The following TACR3 variants were observed in gnomAD, a reference collection of about 807,000 sequenced individuals.
TACR3 encodes the protein tachykinin receptor 3.
Under a neutral mutation model 35.0 loss-of-function variants are expected in TACR3, and 34 were observed. That is an observed-to-expected ratio of 0.97 (90% CI 0.74 to 1.30). The LOEUF is 1.30. Ranked by LOEUF, TACR3 falls within the 50% of genes most tolerant of loss-of-function variation. The pLI is 0.00. For synonymous variants in TACR3, 233 were observed against 221.1 expected, an observed-to-expected ratio of 1.05 and a Z score of -0.48; for missense variants, 558 against 591.7, an observed-to-expected ratio of 0.94 and a Z score of 0.59.
intron 1 of TACR3, among the ~76,000 whole-genome samples, chr4:103,669,904 C>T (rs559562645): frequency 1.5e-4 from 23 of 151,832 alleles, no homozygotes; most frequent in Non-Finnish European, 2.9e-4. Flanking sequence ...GACAAAAGTC[C>T]TTAAGTTTTT....
chr4:103,627,897 A>AT (rs1724943641), intron 3 of TACR3, among the ~76,000 whole-genome samples: 2 of 152,206 alleles, frequency 1.3e-5, no homozygotes, highest in Admixed American at 1.3e-4. Flanking sequence ...GATTGGAAGT[A>AT]AAGCACTCCT....
At chr4:103,606,649 T>A (rs924210772) in intron 3 of TACR3, among the ~76,000 whole-genome samples, 2 of 152,106 alleles carry the variant, frequency 1.3e-5, no homozygotes, top group African/African-American at 2.4e-5. Flanking sequence ...TAAGAATGCT[T>A]GTGATTTTTG....
At chr4:103,700,642 C>G (rs921098956) in intron 1 of TACR3, among the ~76,000 whole-genome samples, 2 of 152,090 alleles carry the variant, frequency 1.3e-5, no homozygotes, top group East Asian at 3.9e-4. Context: ...ACTCTCTTGC[C>G]AGAACTGTCT....
intron 1 of TACR3, among the ~76,000 whole-genome samples, chr4:103,676,837 G>T (rs1384225578): frequency 6.6e-6 from 1 of 152,120 alleles, no homozygotes; most frequent in East Asian, 1.9e-4. Flanking sequence ...AAAAGCAATT[G>T]CAGCGAAAGC....
chr4:103,649,009 G>T (rs1236009881), intron 3 of TACR3, among the ~76,000 whole-genome samples: 1 of 152,062 alleles, frequency 6.6e-6, no homozygotes, highest in Non-Finnish European at 1.5e-5. Context: ...ACTCATTGTA[G>T]TTTGGAATTG....
Position 103,589,702 on chromosome 4 carries a change from A to T in TACR3, c.1378T>A (p.Ser460Thr). Reference sequence around the variant, plus strand: ...TGGAATTAAGAATATTCATCCACAGAGGTATAGGGTGAGCTTATGAAACTT... The same window carrying T: ...TGGAATTAAGAATATTCATCCACAGTGGTATAGGGTGAGCTTATGAAACTT... The part of the protein sequence containing the change: ...TSSFISSPYT[S>T]VDEYS The change falls in exon 5 of 5, where the codon TCT becomes ACT. Residue 460 changes from serine to threonine, a missense_variant. Ser to Thr is a moderately conservative substitution (Grantham distance 58, BLOSUM62 1). Coordinates refer to ENST00000304883, the MANE Select transcript of TACR3 (RefSeq NM_001059.3). 1 of 1,613,900 alleles carries T rather than the reference A, an allele frequency of 6.2e-7. No homozygotes were observed. Among genetic ancestry groups the T allele is most frequent in the Non-Finnish European group, 8.5e-7 (1 of 1,179,848 alleles).
chr4:103,633,178 T>G (rs1303376343), intron 3 of TACR3, among the ~76,000 whole-genome samples: 1 of 152,092 alleles, frequency 6.6e-6, no homozygotes, highest in Non-Finnish European at 1.5e-5. Context: ...ATCAGATAGC[T>G]AACTATAATA....
chr4:103,667,179 A>T (rs1011803105), intron 1 of TACR3, among the ~76,000 whole-genome samples: 2 of 152,030 alleles, frequency 1.3e-5, no homozygotes, highest in Non-Finnish European at 2.9e-5. Context: ...AATCACTTGA[A>T]CCCAGGAGGC....
chr4:103,644,666 CCTGA>C (rs748131281), intron 3 of TACR3, among the ~76,000 whole-genome samples: 8 of 151,130 alleles, frequency 5.3e-5, no homozygotes, highest in Non-Finnish European at 1.2e-4. Context: ...TTTTCTAGTT[CCTGA>C]CTTTCATTTC....
chr4:103,671,604 C>A (rs550509521), intron 1 of TACR3, among the ~76,000 whole-genome samples: 1 of 151,818 alleles, frequency 6.6e-6, no homozygotes, highest in Non-Finnish European at 1.5e-5. Context: ...CTCTAATGAT[C>A]CTTTAAATTT....
chr4:103,601,811 G>T (rs11097819), intron 3 of TACR3, among the ~76,000 whole-genome samples: 1 of 152,002 alleles, frequency 6.6e-6, no homozygotes, highest in African/African-American at 2.4e-5. Context: ...CTCTGGCTGC[G>T]CTTAACATTT....
At chr4:103,673,301 C>T (rs1035532441) in intron 1 of TACR3, among the ~76,000 whole-genome samples, 3 of 152,166 alleles carry the variant, frequency 2.0e-5, no homozygotes, top group African/African-American at 4.8e-5. Flanking sequence ...ATGTCTTCCT[C>T]ACTAAGCTTA....
chr4:103,593,267 C>CT (rs1723932452), intron 3 of TACR3: 1 of 152,078 alleles, frequency 6.6e-6, no homozygotes, highest in South Asian at 2.1e-4. Flanking sequence ...TCTTTCTTGT[C>CT]TTTTTACCCT....
At chr4:103,626,429 T>C (rs142079173) in intron 3 of TACR3, among the ~76,000 whole-genome samples, 275 of 152,196 alleles carry the variant, frequency 1.8e-3, no homozygotes, top group African/African-American at 6.3e-3. Context: ...TATTTTTTTT[T>C]GACGAATTTT....
rs56790385 is a variant in TACR3, at chr4:103,716,215, T to TTGTGTGTGTG, written c.548+2903_548+2912dup. Among the ~76,000 whole-genome samples the TTGTGTGTGTG allele has an allele frequency of 8.4e-5, 12 of 143,324 alleles. No homozygotes were observed. The East Asian group carries it at 1.0e-3, about 12-fold the overall frequency. 94.0% of individuals were successfully genotyped at this position (143,324 alleles called of 152,430 possible). ...CTCTTCACTGACAAATAATTTTATC[T>TTGTGTGTGTG]TGTGTGTGTGTGTGTGTGTGTGTGT... On this transcript the variant is annotated intron_variant, in intron 1 of 4. Transcript: ENST00000304883.
intron 3 of TACR3, among the ~76,000 whole-genome samples, chr4:103,619,012 C>A (rs2110302517): frequency 6.6e-6 from 1 of 152,250 alleles, no homozygotes; most frequent in East Asian, 1.9e-4. Flanking sequence ...TAGGATATTT[C>A]ACGTAGAGAA....
intron 1 of TACR3, among the ~76,000 whole-genome samples, chr4:103,717,432 A>G (rs1723113892): frequency 6.6e-6 from 1 of 152,168 alleles, no homozygotes; most frequent in Non-Finnish European, 1.5e-5. Flanking sequence ...CAAACCAATG[A>G]CTGTAATAAG....
At chr4:103,678,841 A>G (rs1560527852) in intron 1 of TACR3, among the ~76,000 whole-genome samples, 3 of 151,766 alleles carry the variant, frequency 2.0e-5, no homozygotes, top group South Asian at 2.1e-4. Context: ...CCACATCTAT[A>G]AGATTATTTT....
chr4:103,590,748 C>T (rs1723875092), intron 4 of TACR3, among the ~76,000 whole-genome samples: 1 of 152,182 alleles, frequency 6.6e-6, no homozygotes. Flanking sequence ...TATTACAGGA[C>T]TTACGAGCCC....
Sources: gnomAD v4.1 joint callset for allele counts (sites outside exome capture counted in the v4.1 genomes callset) on GRCh38, gnomAD v4.1.1 for gene constraint, MANE v1.5 for transcripts, NCBI Gene and HGNC (gene_info 2026-07-23, HGNC 2026-07-21) for gene names.